The following PPM1H variants were observed in gnomAD, a reference collection of about 807,000 sequenced individuals.
PPM1H encodes the protein protein phosphatase, Mg2+/Mn2+ dependent 1H.
In PPM1H, 27 loss-of-function variants were observed where a neutral mutation model predicts 54.9. The ratio of observed to expected loss-of-function variants is 0.49; its 90% CI spans 0.36 to 0.68. PPM1H has a LOEUF of 0.68. Ranked by LOEUF, PPM1H falls within the 30% of genes least tolerant of loss-of-function variation. The pLI is 0.00. For missense variants in PPM1H, 596 were observed against 667.8 expected (o/e 0.89, Z 1.19); for synonymous variants, 305 against 270.8 (o/e 1.13, Z -1.24).
intron 1 of PPM1H, among the ~76,000 whole-genome samples, chr12:62,842,635 G>A (rs1868796650): frequency 6.6e-6 from 1 of 152,162 alleles, no homozygotes; most frequent in Non-Finnish European, 1.5e-5. Flanking sequence ...AGTAACACAA[G>A]AGGAATAAAG....
chr12:62,678,559 C>A (rs12370134), intron 8 of PPM1H, among the ~76,000 whole-genome samples: 12 of 152,154 alleles, frequency 7.9e-5, no homozygotes, highest in Non-Finnish European at 1.5e-4. Context: ...ATGTAAATGA[C>A]ACACAGATGC....
chr12:62,657,885 T>C (rs997284668), intron 9 of PPM1H, among the ~76,000 whole-genome samples: 1 of 152,140 alleles, frequency 6.6e-6, no homozygotes, highest in Non-Finnish European at 1.5e-5. Context: ...AAGGAGAGCA[T>C]GGATGTGAAG....
At chr12:62,761,620 C>A (rs1464490087) in intron 4 of PPM1H, among the ~76,000 whole-genome samples, 1 of 152,062 alleles carries the variant, frequency 6.6e-6, no homozygotes, top group Non-Finnish European at 1.5e-5. Context: ...CTTCTCATTG[C>A]CCCAGCCTTA....
At chr12:62,811,838 C>G (rs2076837479) in intron 2 of PPM1H, among the ~76,000 whole-genome samples, 1 of 152,204 alleles carries the variant, frequency 6.6e-6, no homozygotes, top group Non-Finnish European at 1.5e-5. Context: ...AATTAAACCT[C>G]TTTCCTTTAT....
chr12:62,744,166 TAAAAA>T lies in PPM1H; in HGVS notation c.870-6585_870-6581del, dbSNP rs549496108. 7.0e-5 allele frequency among the ~76,000 whole-genome samples: 9 copies of T among 129,444 alleles called. 1 individual carries two copies. The highest frequency in any genetic ancestry group is 1.2e-4 in the African/African-American group (4 of 34,682). The allele number at this position is 129,444 out of a possible 152,430, so 84.9% of individuals were successfully genotyped here. A position where few individuals can be genotyped will look rare whatever the true frequency, so the allele number is the denominator to read the frequency against. On this transcript the variant is annotated intron_variant, in intron 4 of 9. Coordinates refer to ENST00000228705, the MANE Select transcript of PPM1H (RefSeq NM_020700.2). Reference sequence around the variant, plus strand: ...TATTCTATAAGCCATTATACAGTCATAAAAAAAAAAAAAAAAAAAAAAGGCCAGGC... The same window carrying T: ...TATTCTATAAGCCATTATACAGTCATAAAAAAAAAAAAAAAAAGGCCAGGC...
intron 4 of PPM1H, among the ~76,000 whole-genome samples, chr12:62,785,409 C>G (rs779713137): frequency 1.3e-5 from 2 of 152,188 alleles, no homozygotes; most frequent in Non-Finnish European, 2.9e-5. Flanking sequence ...GATCTCCTGA[C>G]CTCATGATCC....
intron 4 of PPM1H, among the ~76,000 whole-genome samples, chr12:62,771,197 TA>T (rs57590881): frequency 0.017 from 2,322 of 137,650 alleles, 52 homozygotes; most frequent in African/African-American, 0.057. Context: ...AAATACTAGG[TA>T]AAAAAAAAAA....
In PPM1H at chr12:62,908,422, A is replaced by AAAAAAAAG. The variant is rs1284923713; in HGVS notation, c.245+26069_245+26070insCTTTTTTT. 5.9e-3 allele frequency among the ~76,000 whole-genome samples: 790 copies of AAAAAAAAG among 134,032 alleles called. 11 individuals carry two copies. Among genetic ancestry groups the AAAAAAAAG allele is most frequent in the African/African-American group, 9.9e-3 (383 of 38,726 alleles). 87.9% of individuals were successfully genotyped at this position (134,032 alleles called of 152,430 possible). ...GACTCCGTCTCAAAAAAAAAAAAAA[A>AAAAAAAAG]AAAGAAAGAAAGAAAGAAATTGAGT... is the stretch of plus-strand genomic sequence containing the variant. On this transcript the variant is annotated intron_variant, in intron 1 of 9. Coordinates refer to ENST00000228705, the MANE Select transcript of PPM1H (RefSeq NM_020700.2).
chr12:62,907,908 A>G (rs1053569023), intron 1 of PPM1H, among the ~76,000 whole-genome samples: 2 of 152,220 alleles, frequency 1.3e-5, no homozygotes, highest in African/African-American at 4.8e-5. Context: ...CATTCAGAAC[A>G]GAGTGTAAAG....
chr12:62,905,849 A>G (rs565086117), intron 1 of PPM1H, among the ~76,000 whole-genome samples: 60 of 152,310 alleles, frequency 3.9e-4, no homozygotes, highest in Admixed American at 7.2e-4. Flanking sequence ...ATAGTAATAG[A>G]TCATATGGTA....
intron 8 of PPM1H, among the ~76,000 whole-genome samples, chr12:62,677,779 G>A (rs530830820): frequency 2.0e-4 from 31 of 152,290 alleles, no homozygotes; most frequent in South Asian, 4.1e-4. Flanking sequence ...AGTGGTTTCC[G>A]GCTGGTGAAG....
At chr12:62,906,772 G>A (rs699581) in intron 1 of PPM1H, among the ~76,000 whole-genome samples, 100,726 of 152,160 alleles carry the variant, frequency 0.66, 33,921 homozygotes, top group African/African-American at 0.72. Flanking sequence ...GAGTTCTTCC[G>A]TATTAAAAGT....
Position 62,813,612 on chromosome 12 carries a change from G to T in PPM1H, c.412-11452C>A, listed in dbSNP as rs184514767. Among the ~76,000 whole-genome samples the T allele has an allele frequency of 1.8e-3, 276 of 152,294 alleles. 1 individual carries two copies. The highest frequency in any genetic ancestry group is 6.3e-3 in the African/African-American group (261 of 41,568). ...AAAAAATTTCTGCAAAGAAACTACA[G>T]ATAGAAAACATGAGCAAATAAGAAC... On this transcript the variant is annotated intron_variant, in intron 2 of 9. Transcript: ENST00000228705.
chr12:62,916,588 G>T (rs1871629834), intron 1 of PPM1H, among the ~76,000 whole-genome samples: 1 of 151,748 alleles, frequency 6.6e-6, no homozygotes, highest in African/African-American at 2.4e-5. Context: ...TATATCTCAG[G>T]AAAAGATATG....
intron 1 of PPM1H, among the ~76,000 whole-genome samples, chr12:62,847,347 G>C (rs980224010): frequency 2.6e-5 from 4 of 152,140 alleles, no homozygotes; most frequent in Admixed American, 2.6e-4. Flanking sequence ...TTGCAAGCTA[G>C]AGTATAGCAA....
At chr12:62,773,107 C>A (rs1335525275) in intron 4 of PPM1H, among the ~76,000 whole-genome samples, 1 of 152,158 alleles carries the variant, frequency 6.6e-6, no homozygotes, top group East Asian at 1.9e-4. Flanking sequence ...GAGATGGTGC[C>A]ACTGCACCCT....
intron 1 of PPM1H, among the ~76,000 whole-genome samples, chr12:62,909,873 C>T (rs567543752): frequency 2.3e-4 from 35 of 152,304 alleles, no homozygotes; most frequent in African/African-American, 8.4e-4. Context: ...ATTATTAAAG[C>T]AAGTCAGTAG....
In PPM1H at chr12:62,701,989, T is replaced by C. The variant is rs561087329; in HGVS notation, c.1074-7990A>G. Among the ~76,000 whole-genome samples the C allele has an allele frequency of 8.9e-4, 136 of 152,330 alleles. 1 individual carries two copies. The highest frequency in any genetic ancestry group is 3.1e-3 in the African/African-American group (127 of 41,584). On this transcript the variant is annotated intron_variant, in intron 6 of 9. Transcript: ENST00000228705. ...CAATTGTGCAAGCACATGGTAGACA[T>C]AAAGTAGACACAAGCTAAATGGATG...
rs181969593 is a variant in PPM1H at position 62,922,949 on chromosome 12, G to T, written c.245+11543C>A. Among the ~76,000 whole-genome samples the T allele has an allele frequency of 3.3e-5, 5 of 152,314 alleles. No individual in the cohort carries two copies. The East Asian group carries it at 9.6e-4, about 29-fold the overall frequency. ...GGCAGATTTCCTAATTTAATTAAAT[G>T]GGAGCATAGCAAAGAGATACTTTCC... On this transcript the variant is annotated intron_variant, in intron 1 of 9. Transcript: ENST00000228705.
Sources: allele counts gnomAD v4.1 joint callset (sites outside exome capture counted in the v4.1 genomes callset), GRCh38; gene constraint gnomAD v4.1.1; transcripts MANE v1.5; gene names NCBI Gene and HGNC (gene_info 2026-07-23, HGNC 2026-07-21).